Variants in ACTL8 observed in about 807,000 individuals in gnomAD.
ACTL8 encodes actin-like protein 8.
A neutral mutation model predicts 9.3 loss-of-function variants in ACTL8; 3 were observed. The ratio of observed to expected loss-of-function variants is 0.32; its 90% CI spans 0.15 to 0.83. ACTL8 has a LOEUF of 0.83. ACTL8 is among the 40% of genes least tolerant of loss of function. The pLI, the probability that ACTL8 is intolerant of heterozygous loss-of-function variation, is 0.57. For synonymous variants in ACTL8, 224 were observed against 205.9 expected, an observed-to-expected ratio of 1.09 and a Z score of -0.75; for missense variants, 381 against 492.2, an observed-to-expected ratio of 0.77 and a Z score of 2.14.
intron 1 of ACTL8, among the ~76,000 whole-genome samples, chr1:17,768,996 C>T (rs1005593076): frequency 1.3e-5 from 2 of 152,144 alleles, no homozygotes; most frequent in African/African-American, 4.8e-5. Context: ...CCTACTGATG[C>T]TGCTATTTCC....
chr1:17,797,105 AAGCAGAAAG>A (rs2066282849), intron 1 of ACTL8, among the ~76,000 whole-genome samples: 2 of 151,964 alleles, frequency 1.3e-5, no homozygotes, highest in Admixed American at 6.5e-5. Context: ...GCTCTTGTTT[AAGCAGAAAG>A]AGCTCAGACT....
At chr1:17,819,367 G>A (rs1359075618) in intron 1 of ACTL8, among the ~76,000 whole-genome samples, 3 of 152,326 alleles carry the variant, frequency 2.0e-5, no homozygotes, top group South Asian at 4.1e-4. Context: ...CCATCTCCAC[G>A]CTCCTTCTTG....
intron 1 of ACTL8, among the ~76,000 whole-genome samples, chr1:17,772,471 A>G (rs1001972642): frequency 3.8e-5 from 5 of 130,394 alleles, no homozygotes; most frequent in Non-Finnish European, 6.4e-5. Context: ...TGGGATCTCA[A>G]GGCACCATAC....
chr1:17,817,899 G>A (rs1201260395), intron 1 of ACTL8, among the ~76,000 whole-genome samples: 2 of 151,868 alleles, frequency 1.3e-5, no homozygotes, highest in Admixed American at 6.6e-5. Flanking sequence ...ACGGGGTTTC[G>A]CCATGTTGGC....
Position 17,782,935 on chromosome 1 carries a change from G to A in ACTL8, c.-25+27431G>A, listed in dbSNP as rs115698840. Among the ~76,000 whole-genome samples the A allele has an allele frequency of 4.3e-3, 660 of 152,186 alleles. 7 individuals are homozygous for A. The highest frequency in any genetic ancestry group is 0.027 in the Middle Eastern group (8 of 294). ...AAGTTAATTCCCCACTCAATCAATG[G>A]CACATTGCAGAATGGAACCTTTCCA... On this transcript the variant is annotated intron_variant, in intron 1 of 2. Coordinates refer to ENST00000375406, the MANE Select transcript of ACTL8 (RefSeq NM_030812.3).
At chr1:17,758,255 TG>T (rs2065980191) in intron 1 of ACTL8, among the ~76,000 whole-genome samples, 1 of 152,124 alleles carries the variant, frequency 6.6e-6, no homozygotes, top group Non-Finnish European at 1.5e-5. Context: ...GGGCACACAT[TG>T]GAGAGGGTAG....
At chr1:17,759,237 C>G (rs904139920) in intron 1 of ACTL8, among the ~76,000 whole-genome samples, 2 of 152,248 alleles carry the variant, frequency 1.3e-5, no homozygotes, top group African/African-American at 4.8e-5. Context: ...TAAATTTTCT[C>G]CCTGTCCAGG....
chr1:17,766,365 A>G (rs1247885772), intron 1 of ACTL8, among the ~76,000 whole-genome samples: 2 of 152,046 alleles, frequency 1.3e-5, no homozygotes, highest in African/African-American at 4.8e-5. Flanking sequence ...GCATTCCTTG[A>G]AATTGTACAG....
At chr1:17,784,214 G>A (rs1229011871) in intron 1 of ACTL8, among the ~76,000 whole-genome samples, 1 of 152,192 alleles carries the variant, frequency 6.6e-6, no homozygotes, top group Non-Finnish European at 1.5e-5. Flanking sequence ...ACATGGTGGA[G>A]TGGAGGAGAG....
chr1:17,769,473 GC>G (rs2066069561), intron 1 of ACTL8, among the ~76,000 whole-genome samples: 1 of 150,092 alleles, frequency 6.7e-6, no homozygotes, highest in South Asian at 2.1e-4. Context: ...TCCAGACAGG[GC>G]TGAGCTGAGT....
intron 1 of ACTL8, among the ~76,000 whole-genome samples, chr1:17,789,927 G>T (rs1036157966): frequency 2.0e-4 from 31 of 152,222 alleles, no homozygotes; most frequent in African/African-American, 6.8e-4. Context: ...CACGCACTCA[G>T]CCTGGAAGGC....
At chr1:17,782,331 G>A (rs1320673421) in intron 1 of ACTL8, among the ~76,000 whole-genome samples, 2 of 152,178 alleles carry the variant, frequency 1.3e-5, no homozygotes, top group African/African-American at 2.4e-5. Flanking sequence ...GAGAGAATAC[G>A]GGCGAAAGTG....
chr1:17,779,099 A>G (rs1435865944), intron 1 of ACTL8, among the ~76,000 whole-genome samples: 1 of 151,888 alleles, frequency 6.6e-6, no homozygotes, highest in Non-Finnish European at 1.5e-5. Flanking sequence ...TGTTCCTCCT[A>G]TACATACCCG....
chr1:17,812,077 C>T (rs1055866727), intron 1 of ACTL8, among the ~76,000 whole-genome samples: 3 of 151,634 alleles, frequency 2.0e-5, no homozygotes, highest in South Asian at 2.1e-4. Context: ...AGGCTTGTCT[C>T]GAACTCCTGA....
At chr1:17,772,912 G>GA (rs58426757) in intron 1 of ACTL8, among the ~76,000 whole-genome samples, 41,937 of 148,198 alleles carry the variant, frequency 0.28, 6,387 homozygotes, top group Admixed American at 0.38. Context: ...AAGAGGAAAG[G>GA]AAAAAAAAAA....
chr1:17,786,639 A>G (rs898357747), intron 1 of ACTL8, among the ~76,000 whole-genome samples: 3 of 152,210 alleles, frequency 2.0e-5, no homozygotes, highest in African/African-American at 7.2e-5. Context: ...GAGAGAGGGG[A>G]CATATACATG....
At position 17,816,484 on chromosome 1, in the gene ACTL8, G is replaced by A. The variant is rs185256919; in HGVS notation, c.-24-6501G>A. ...CTCCCAAAGTGCTAGTATTACAGGC[G>A]TGAGCCTCTGTGCCCAGCCTAAAAT... On this transcript the variant is annotated intron_variant, in intron 1 of 2. Transcript: ENST00000375406. 3.7e-3 allele frequency among the ~76,000 whole-genome samples: 560 copies of A among 152,302 alleles called. 1 individual carries two copies. The highest frequency in any genetic ancestry group is 5.2e-3 in the Non-Finnish European group (354 of 68,018).
chr1:17,768,287 C>T (rs115589536), intron 1 of ACTL8, among the ~76,000 whole-genome samples: 3,501 of 86,506 alleles, frequency 0.04, 118 homozygotes, highest in Admixed American at 0.19. Context: ...ACTGGAAATC[C>T]ATGTACCCAG....
chr1:17,780,040 C>T (rs1031927660), intron 1 of ACTL8, among the ~76,000 whole-genome samples: 1 of 151,922 alleles, frequency 6.6e-6, no homozygotes, highest in African/African-American at 2.4e-5. Context: ...GACCCTTTCT[C>T]TACAAAAAAT....
Sources: gnomAD v4.1 joint callset for allele counts (sites outside exome capture counted in the v4.1 genomes callset) on GRCh38, gnomAD v4.1.1 for gene constraint, MANE v1.5 for transcripts, NCBI Gene and HGNC (gene_info 2026-07-23, HGNC 2026-07-21) for gene names.